Variants in EPHB1 observed in about 807,000 individuals in gnomAD.
EPHB1 encodes ephrin type-B receptor 1.
In EPHB1, 30 loss-of-function variants were observed where a neutral mutation model predicts 94.4. The observed-to-expected ratio is 0.32, with a 90% confidence interval of 0.24 to 0.43. The LOEUF is 0.43. Ranked by LOEUF, EPHB1 falls within the 20% of genes least tolerant of loss-of-function variation. EPHB1 has a pLI of 1.00. For synonymous variants in EPHB1, 522 were observed against 489.1 expected (o/e 1.07, Z -0.89); for missense variants, 1,055 against 1,308.3 (o/e 0.81, Z 2.99).
intron 1 of EPHB1, among the ~76,000 whole-genome samples, chr3:134,873,098 A>C (rs1333469710): frequency 6.6e-6 from 1 of 152,220 alleles, no homozygotes; most frequent in Non-Finnish European, 1.5e-5. Context: ...TAGAGCCATT[A>C]AATTAGAATT....
intron 10 of EPHB1, among the ~76,000 whole-genome samples, chr3:135,181,076 A>G (rs144172053): frequency 1.3e-3 from 196 of 152,330 alleles, no homozygotes; most frequent in Admixed American, 0.011. Context: ...GAATGTCACC[A>G]TCTTTCTGTT....
intron 1 of EPHB1, among the ~76,000 whole-genome samples, chr3:134,861,617 G>A (rs2037260997): frequency 6.6e-6 from 1 of 152,188 alleles, no homozygotes; most frequent in South Asian, 2.1e-4. Flanking sequence ...AGCGGGGAGA[G>A]TGTGAGGGAC....
At chr3:134,857,373 T>C (rs1304507186) in intron 1 of EPHB1, among the ~76,000 whole-genome samples, 1 of 152,154 alleles carries the variant, frequency 6.6e-6, no homozygotes, top group Non-Finnish European at 1.5e-5. Flanking sequence ...GCCTCACACT[T>C]GCAGGTCTTG....
At position 135,079,043 on chromosome 3, in the gene EPHB1, G is replaced by A. The variant is rs191626001; in HGVS notation, c.806-27405G>A. 5.2e-3 allele frequency among the ~76,000 whole-genome samples: 786 copies of A among 152,070 alleles called. 5 individuals carry two copies. Among genetic ancestry groups the A allele is most frequent in the African/African-American group, 0.016 (673 of 41,484 alleles). On this transcript the variant is annotated intron_variant, in intron 3 of 15. Coordinates refer to ENST00000398015, the MANE Select transcript of EPHB1 (RefSeq NM_004441.5). ...ACAGTGTTAAGCCCAAATAGTTCTGGGTTAGGAGTGTATCAGAAATCATGG... is the reference window on the plus strand; with the variant it reads ...ACAGTGTTAAGCCCAAATAGTTCTGAGTTAGGAGTGTATCAGAAATCATGG...
chr3:135,173,116 G>A (rs1333331598), intron 9 of EPHB1, among the ~76,000 whole-genome samples: 1 of 149,212 alleles, frequency 6.7e-6, no homozygotes, highest in African/African-American at 2.5e-5. Flanking sequence ...CTCACTGCAA[G>A]CTCCGCCTCC....
At chr3:134,860,150 G>GACACACACACAC (rs10642036) in intron 1 of EPHB1, among the ~76,000 whole-genome samples, 1 of 142,814 alleles carries the variant, frequency 7.0e-6, no homozygotes, top group Admixed American at 7.0e-5. Context: ...AGAAGGAAGG[G>GACACACACACAC]ACACACACAC....
intron 1 of EPHB1, among the ~76,000 whole-genome samples, chr3:134,802,282 A>T (rs916916310): frequency 6.6e-6 from 1 of 151,696 alleles, no homozygotes; most frequent in Admixed American, 6.6e-5. Context: ...TAAAAAAAAC[A>T]AAAAAACAAA....
chr3:135,103,734 C>T (rs778088514), intron 3 of EPHB1, among the ~76,000 whole-genome samples: 20 of 152,200 alleles, frequency 1.3e-4, no homozygotes, highest in Middle Eastern at 3.4e-3. Flanking sequence ...CTTGTTTCTC[C>T]GGGGAGAATG....
intron 13 of EPHB1, among the ~76,000 whole-genome samples, chr3:135,242,109 T>A (rs1448061369): frequency 1.3e-5 from 2 of 152,228 alleles, no homozygotes; most frequent in East Asian, 1.9e-4. Flanking sequence ...AAGTCTCCAA[T>A]GAAAAGTCCT....
intron 7 of EPHB1, among the ~76,000 whole-genome samples, chr3:135,163,026 C>A (rs1254469277): frequency 6.6e-6 from 1 of 152,148 alleles, no homozygotes; most frequent in East Asian, 1.9e-4. Flanking sequence ...TCAGTCTATT[C>A]CTGACTCCCC....
At chr3:135,224,112 A>G (rs773339928) in intron 12 of EPHB1, among the ~76,000 whole-genome samples, 4 of 152,218 alleles carry the variant, frequency 2.6e-5, no homozygotes, top group Admixed American at 1.3e-4. Context: ...TCATAGTACC[A>G]TGCTATACAG....
At chr3:134,836,541 C>T (rs2108295140) in intron 1 of EPHB1, among the ~76,000 whole-genome samples, 1 of 152,260 alleles carries the variant, frequency 6.6e-6, no homozygotes, top group South Asian at 2.1e-4. Flanking sequence ...GTTTTAAAAA[C>T]TACACTTCAT....
At chr3:135,197,479 A>G (rs1942654401) in intron 11 of EPHB1, among the ~76,000 whole-genome samples, 1 of 152,240 alleles carries the variant, frequency 6.6e-6, no homozygotes, top group African/African-American at 2.4e-5. Flanking sequence ...TTTCCAATTT[A>G]TAAACTAAAG....
At chr3:135,077,514 A>T (rs897512273) in intron 3 of EPHB1, among the ~76,000 whole-genome samples, 1 of 152,278 alleles carries the variant, frequency 6.6e-6, no homozygotes, top group Middle Eastern at 3.4e-3. Flanking sequence ...TCTAGTGTAC[A>T]TCACTGGGCC....
intron 12 of EPHB1, among the ~76,000 whole-genome samples, chr3:135,206,497 T>C (rs1942904408): frequency 6.6e-6 from 1 of 152,254 alleles, no homozygotes; most frequent in South Asian, 2.1e-4. Context: ...TTGTCCTGAT[T>C]ATAATAATGT....
intron 1 of EPHB1, among the ~76,000 whole-genome samples, chr3:134,903,868 GT>G (rs1469930877): frequency 6.6e-6 from 1 of 152,188 alleles, no homozygotes; most frequent in Non-Finnish European, 1.5e-5. Flanking sequence ...CAGGAGAGAA[GT>G]TTCACTGTGA....
At chr3:134,963,085 T>C (rs1365328555) in intron 3 of EPHB1, among the ~76,000 whole-genome samples, 1 of 151,764 alleles carries the variant, frequency 6.6e-6, no homozygotes, top group Non-Finnish European at 1.5e-5. Flanking sequence ...CTTACCTCAG[T>C]TTCCCTTTCC....
chr3:134,942,567 G>GGTT (rs2039139793), intron 2 of EPHB1, among the ~76,000 whole-genome samples: 1 of 152,232 alleles, frequency 6.6e-6, no homozygotes, highest in South Asian at 2.1e-4. Flanking sequence ...GGGCTGCAAA[G>GGTT]GGCAAGGTGG....
chr3:135,176,648 C>A (rs1271296791), intron 9 of EPHB1, among the ~76,000 whole-genome samples: 1 of 152,160 alleles, frequency 6.6e-6, no homozygotes, highest in Non-Finnish European at 1.5e-5. Flanking sequence ...CACTTATTTG[C>A]GCATTACTGG....
Sources: allele counts gnomAD v4.1 joint callset (sites outside exome capture counted in the v4.1 genomes callset), GRCh38; gene constraint gnomAD v4.1.1; transcripts MANE v1.5; gene names NCBI Gene and HGNC (gene_info 2026-07-23, HGNC 2026-07-21).